EBF1: variants seen among roughly 807,000 people sequenced by gnomAD.
EBF1 encodes transcription factor COE1.
In EBF1, 10 loss-of-function variants were observed where a neutral mutation model predicts 68.4. That is an observed-to-expected ratio of 0.15 (90% confidence interval 0.09 to 0.25). The LOEUF is 0.25. Ranked by LOEUF, EBF1 falls within the 10% of genes least tolerant of loss-of-function variation. The probability of loss-of-function intolerance (pLI) is 1.00; values close to 1 mark genes in which losing one functional copy is unlikely to be tolerated. For synonymous variants in EBF1, 298 were observed against 299.8 expected (o/e 0.99, Z 0.06); for missense variants, 509 against 794.4 (o/e 0.64, Z 4.32).
intron 11 of EBF1, among the ~76,000 whole-genome samples, chr5:158,719,623 G>T (rs1761507735): frequency 6.6e-6 from 1 of 151,854 alleles, no homozygotes; most frequent in African/African-American, 2.4e-5. Flanking sequence ...GCCAATACTG[G>T]GCCCATTTAT....
chr5:158,901,023 C>G (rs1001213175), intron 6 of EBF1, among the ~76,000 whole-genome samples: 1 of 152,172 alleles, frequency 6.6e-6, no homozygotes, highest in African/African-American at 2.4e-5. Context: ...TCTGTTTATG[C>G]TCTTCTTTTG....
At chr5:158,882,636 A>C (rs932520748) in intron 6 of EBF1, among the ~76,000 whole-genome samples, 1 of 152,218 alleles carries the variant, frequency 6.6e-6, no homozygotes, top group African/African-American at 2.4e-5. Flanking sequence ...TTATCACAAC[A>C]ATGAGTCCTT....
chr5:158,870,952 G>A (rs1304790983), intron 6 of EBF1, among the ~76,000 whole-genome samples: 1 of 152,186 alleles, frequency 6.6e-6, no homozygotes, highest in African/African-American at 2.4e-5. Flanking sequence ...TTTGTACGAA[G>A]CAGCAAACTT....
intron 6 of EBF1, among the ~76,000 whole-genome samples, chr5:158,855,629 C>T (rs1177935207): frequency 6.6e-6 from 1 of 152,226 alleles, no homozygotes; most frequent in Non-Finnish European, 1.5e-5. Flanking sequence ...CCCTCTCATT[C>T]CCCATCATCG....
chr5:159,035,943 GAT>G (rs1769964458), intron 6 of EBF1, among the ~76,000 whole-genome samples: 1 of 152,202 alleles, frequency 6.6e-6, no homozygotes, highest in Non-Finnish European at 1.5e-5. Flanking sequence ...TCTCCCCAAA[GAT>G]TTAAAAGGGA....
intron 6 of EBF1, among the ~76,000 whole-genome samples, chr5:158,887,088 T>C (rs531514170): frequency 1.1e-4 from 17 of 152,318 alleles, no homozygotes; most frequent in African/African-American, 4.1e-4. Context: ...GTTTCAAATA[T>C]TCAGTCTTTT....
intron 6 of EBF1, among the ~76,000 whole-genome samples, chr5:158,969,852 GA>G (rs1245731528): frequency 2.5e-5 from 1 of 40,448 alleles, no homozygotes; most frequent in Non-Finnish European, 5.1e-5. Flanking sequence ...GAGAAAGAAA[GA>G]AAGAAAGAAA....
intron 6 of EBF1, among the ~76,000 whole-genome samples, chr5:158,893,191 T>C (rs537513676): frequency 6.6e-6 from 1 of 152,246 alleles, no homozygotes; most frequent in Middle Eastern, 3.2e-3. Context: ...AATGGCTTGC[T>C]CAACCATCAG....
chr5:158,910,929 G>C (rs1805824536), intron 6 of EBF1, among the ~76,000 whole-genome samples: 1 of 152,194 alleles, frequency 6.6e-6, no homozygotes, highest in South Asian at 2.1e-4. Flanking sequence ...ATTAGCACCT[G>C]CTGATTCAGT....
At chr5:158,719,302 A>G (rs1761433712) in intron 11 of EBF1, among the ~76,000 whole-genome samples, 1 of 152,140 alleles carries the variant, frequency 6.6e-6, no homozygotes. Context: ...CATTATCTCA[A>G]GTTATAGGCT....
chr5:158,964,829 A>C (rs965001277), intron 6 of EBF1, among the ~76,000 whole-genome samples: 3 of 152,204 alleles, frequency 2.0e-5, no homozygotes, highest in Non-Finnish European at 4.4e-5. Context: ...TTTTTACTTG[A>C]CACATGATCT....
intron 9 of EBF1, among the ~76,000 whole-genome samples, chr5:158,783,709 G>T (rs1776860874): frequency 6.6e-6 from 1 of 152,164 alleles, no homozygotes; most frequent in Non-Finnish European, 1.5e-5. Context: ...GTGGCCTCTG[G>T]GTACAAAGTA....
chr5:158,715,316 G>A (rs763928191), intron 11 of EBF1, among the ~76,000 whole-genome samples: 25 of 152,130 alleles, frequency 1.6e-4, no homozygotes, highest in African/African-American at 4.6e-4. Flanking sequence ...GACTGCAGTC[G>A]CTGATCAGAA....
chr5:158,977,752 C>T (rs1037044764), intron 6 of EBF1, among the ~76,000 whole-genome samples: 3 of 152,172 alleles, frequency 2.0e-5, no homozygotes, highest in African/African-American at 7.2e-5. Context: ...AGTAAGAATG[C>T]CATGGCGCTG....
intron 6 of EBF1, among the ~76,000 whole-genome samples, chr5:158,996,827 C>G (rs1397691657): frequency 6.6e-6 from 1 of 152,180 alleles, no homozygotes; most frequent in Non-Finnish European, 1.5e-5. Flanking sequence ...AGCTAGCAAA[C>G]TTTTAAATGA....
In EBF1 at chr5:158,775,783, G is replaced by GACACACAC. The variant is rs58752245; in HGVS notation, c.1036+1622_1036+1629dup. 2.0e-3 allele frequency among the ~76,000 whole-genome samples: 259 copies of GACACACAC among 129,598 alleles called. 2 individuals carry two copies. Among genetic ancestry groups the GACACACAC allele is most frequent in the African/African-American group, 6.6e-3 (222 of 33,844 alleles). The allele number at this position is 129,598 out of a possible 152,430, so 85.0% of individuals were successfully genotyped here. A position where few individuals can be genotyped will look rare whatever the true frequency, so the allele number is the denominator to read the frequency against. Reference sequence around the variant, plus strand: ...ACACACACACACACACATGCACACAGACACACACACACACACACACACACA... The same window carrying GACACACAC: ...ACACACACACACACACATGCACACAGACACACACACACACACACACACACACACACACA... On this transcript the variant is annotated intron_variant, in intron 10 of 15. Transcript: ENST00000313708.
At chr5:159,069,718 C>G (rs755405623) in intron 6 of EBF1, among the ~76,000 whole-genome samples, 6 of 152,072 alleles carry the variant, frequency 3.9e-5, no homozygotes, top group Non-Finnish European at 7.4e-5. Flanking sequence ...TTTTCTGATT[C>G]TTACAAAGTA....
intron 6 of EBF1, among the ~76,000 whole-genome samples, chr5:158,932,123 A>G (rs1811013573): frequency 6.6e-6 from 1 of 152,250 alleles, no homozygotes; most frequent in South Asian, 2.1e-4. Flanking sequence ...TATTGCATCA[A>G]GAATTTGAAA....
intron 10 of EBF1, among the ~76,000 whole-genome samples, chr5:158,776,513 C>T (rs1377351807): frequency 2.0e-5 from 3 of 152,162 alleles, no homozygotes; most frequent in Non-Finnish European, 4.4e-5. Context: ...AAAGCAACTT[C>T]CGCTCTGTAC....
Sources: allele counts gnomAD v4.1 joint callset (sites outside exome capture counted in the v4.1 genomes callset), GRCh38; gene constraint gnomAD v4.1.1; transcripts MANE v1.5; gene names NCBI Gene and HGNC (gene_info 2026-07-23, HGNC 2026-07-21).